GPC6: variants seen among roughly 807,000 people sequenced by gnomAD.
The protein encoded by GPC6 is glypican 6.
A neutral mutation model predicts 55.2 loss-of-function variants in GPC6; 14 were observed. That is an observed-to-expected ratio of 0.25 (90% CI 0.17 to 0.40). GPC6 has a LOEUF of 0.40. Among genes scored for constraint, GPC6 ranks in the 10% least tolerant of loss-of-function variants. The probability of loss-of-function intolerance (pLI) is 1.00; values close to 1 mark genes in which losing one functional copy is unlikely to be tolerated. For synonymous variants in GPC6, 278 were observed against 259.6 expected (o/e 1.07, Z -0.68); for missense variants, 641 against 708.5 (o/e 0.90, Z 1.08).
rs199803814 is a variant in GPC6, at chr13:93,233,344, C to CAAA, written c.160+5739_160+5741dup. On this transcript the variant is annotated intron_variant, in intron 1 of 8. Transcript: ENST00000377047. Reference sequence around the variant, plus strand: ...TTAAATGAATGTGCCAGTTAGTAGCCAAAAAAAAAAAAATCAAAATTTGGT... The same window carrying CAAA: ...TTAAATGAATGTGCCAGTTAGTAGCCAAAAAAAAAAAAAAAATCAAAATTTGGT... 6.2e-4 allele frequency among the ~76,000 whole-genome samples: 78 copies of CAAA among 126,146 alleles called. 2 individuals carry two copies. The highest frequency in any genetic ancestry group is 2.5e-3 in the Admixed American group (32 of 12,758). 82.8% of individuals were successfully genotyped at this position (126,146 alleles called of 152,430 possible).
intron 3 of GPC6, among the ~76,000 whole-genome samples, chr13:94,009,447 G>A (rs1046026083): frequency 6.6e-6 from 1 of 152,108 alleles, no homozygotes; most frequent in African/African-American, 2.4e-5. Context: ...CCCAATTTCT[G>A]GTCCTCAGCT....
chr13:93,393,121 TATATATAGAGAGAG>T (rs1205209224), intron 1 of GPC6, among the ~76,000 whole-genome samples: 13 of 79,900 alleles, frequency 1.6e-4, no homozygotes, highest in South Asian at 9.4e-4. Flanking sequence ...TATATATATA[TATATATAGAGAGAG>T]AGAGAGAGAG....
At chr13:93,456,475 AGTT>A (rs1878457721) in intron 1 of GPC6, among the ~76,000 whole-genome samples, 1 of 152,090 alleles carries the variant, frequency 6.6e-6, no homozygotes, top group African/African-American at 2.4e-5. Flanking sequence ...TGTAACTATT[AGTT>A]GTTCCCTCCT....
rs146573499 is a variant in GPC6, at chr13:94,270,718, G to A, written c.878-15631G>A. Among the ~76,000 whole-genome samples, 1,061 of 152,198 alleles carry A rather than the reference G, an allele frequency of 7.0e-3. 13 individuals carry two copies. Among genetic ancestry groups the A allele is most frequent in the African/African-American group, 0.024 (993 of 41,518 alleles). ...AAACAAAGTTACTTTTCACTTTGTC[G>A]CTAGGGGGAAGTGTTCTTACTCCAA... On this transcript the variant is annotated intron_variant, in intron 4 of 8. Coordinates refer to ENST00000377047, the MANE Select transcript of GPC6 (RefSeq NM_005708.5).
At chr13:93,674,144 A>G (rs1432982542) in intron 2 of GPC6, among the ~76,000 whole-genome samples, 1 of 152,138 alleles carries the variant, frequency 6.6e-6, no homozygotes, top group African/African-American at 2.4e-5. Flanking sequence ...TAACCTAACA[A>G]TCAGTTTTGG....
intron 1 of GPC6, among the ~76,000 whole-genome samples, chr13:93,450,348 C>T (rs1371523335): frequency 2.0e-5 from 3 of 152,192 alleles, no homozygotes; most frequent in Non-Finnish European, 1.5e-5. Context: ...GTAATCTCAT[C>T]ACATGTTTTA....
At chr13:93,582,823 A>G (rs1489491659) in intron 2 of GPC6, among the ~76,000 whole-genome samples, 1 of 152,222 alleles carries the variant, frequency 6.6e-6, no homozygotes, top group African/African-American at 2.4e-5. Flanking sequence ...GGAAAAGCGA[A>G]GTGAAACCTG....
chr13:93,926,456 G>T (rs1387926994), intron 3 of GPC6, among the ~76,000 whole-genome samples: 1 of 152,192 alleles, frequency 6.6e-6, no homozygotes, highest in Non-Finnish European at 1.5e-5. Context: ...CAGGAAAAAT[G>T]TCAGAAGTCT....
chr13:94,039,871 C>T (rs1270806807), intron 4 of GPC6, among the ~76,000 whole-genome samples: 1 of 151,890 alleles, frequency 6.6e-6, no homozygotes, highest in Non-Finnish European at 1.5e-5. Context: ...TCACTGTGTA[C>T]TCTCAGAATG....
rs143379185 is a variant in GPC6 at position 93,797,287 on chromosome 13, A to G, written c.320-32867A>G. 3.9e-3 allele frequency among the ~76,000 whole-genome samples: 597 copies of G among 152,334 alleles called. 5 individuals carry two copies. The highest frequency in any genetic ancestry group is 0.014 in the African/African-American group (564 of 41,574). On this transcript the variant is annotated intron_variant, in intron 2 of 8. Transcript: ENST00000377047. ...CATTGTGTACCAAGGGTAAATATGT[A>G]TAATTTCTTATGAATGATAGGCTCC...
chr13:94,249,785 G>T (rs767724380), intron 4 of GPC6, among the ~76,000 whole-genome samples: 3 of 152,088 alleles, frequency 2.0e-5, no homozygotes, highest in Admixed American at 6.6e-5. Context: ...ACAGAACAGC[G>T]TTTGACAAGC....
chr13:93,830,612 T>TTA (rs746681581), intron 3 of GPC6, 67 bp downstream of exon 3: 6 of 326,450 alleles, frequency 1.8e-5, no homozygotes, highest in South Asian at 3.0e-5. Flanking sequence ...AACCAATGTT[T>TTA]AAAAAAAAAA....
intron 4 of GPC6, among the ~76,000 whole-genome samples, chr13:94,255,868 G>A (rs1891487491): frequency 1.3e-5 from 2 of 152,138 alleles, no homozygotes; most frequent in African/African-American, 2.4e-5. Flanking sequence ...GTCAAAGAAG[G>A]GGAGGAAGGT....
At chr13:93,545,585 ATT>A (rs397851797) in intron 2 of GPC6, among the ~76,000 whole-genome samples, 164 bp downstream of exon 2, 40 of 146,274 alleles carry the variant, frequency 2.7e-4, no homozygotes, top group African/African-American at 9.6e-4. Flanking sequence ...CTTGACAGTA[ATT>A]TTTTTTTTTT....
At chr13:94,189,073 G>T (rs1186395518) in intron 4 of GPC6, among the ~76,000 whole-genome samples, 2 of 152,090 alleles carry the variant, frequency 1.3e-5, no homozygotes, top group Non-Finnish European at 2.9e-5. Context: ...TCACCCAGAA[G>T]CTCTAACCTG....
intron 1 of GPC6, among the ~76,000 whole-genome samples, chr13:93,445,260 T>C (rs573434382): frequency 1.3e-5 from 2 of 152,326 alleles, no homozygotes; most frequent in Admixed American, 1.3e-4. Flanking sequence ...GTGAATGTGA[T>C]ATCATTATCT....
rs555423561 is a variant in GPC6, at chr13:94,145,170, T to C, written c.877+117276T>C. Among the ~76,000 whole-genome samples, 151 of 149,842 alleles carry C rather than the reference T, an allele frequency of 1.0e-3. 1 individual carries two copies. The highest frequency in any genetic ancestry group is 3.5e-3 in the African/African-American group (143 of 41,006). On this transcript the variant is annotated intron_variant, in intron 4 of 8. Coordinates refer to ENST00000377047, the MANE Select transcript of GPC6 (RefSeq NM_005708.5). ...ATGGATGGATGGATGGATGGATGGA[T>C]GGACGGATGATGAATGGATGGATGG...
chr13:93,915,086 A>G (rs747278390), intron 3 of GPC6, among the ~76,000 whole-genome samples: 1 of 152,148 alleles, frequency 6.6e-6, no homozygotes, highest in Non-Finnish European at 1.5e-5. Flanking sequence ...AAGGTGCTCT[A>G]TATTTTCTTA....
intron 3 of GPC6, among the ~76,000 whole-genome samples, chr13:93,954,703 A>T (rs762882815): frequency 3.9e-5 from 6 of 152,112 alleles, no homozygotes; most frequent in Non-Finnish European, 8.8e-5. Flanking sequence ...CCTGCCTGGG[A>T]AGCTCCCAGC....
Sources: gnomAD v4.1 joint callset for allele counts (sites outside exome capture counted in the v4.1 genomes callset) on GRCh38, gnomAD v4.1.1 for gene constraint, MANE v1.5 for transcripts, NCBI Gene and HGNC (gene_info 2026-07-23, HGNC 2026-07-21) for gene names.